ZBBX: variants seen among roughly 807,000 people sequenced by gnomAD.
ZBBX encodes the protein zinc finger B-box domain containing, also known as zinc finger B-box domain-containing protein 1.
A neutral mutation model predicts 108.5 loss-of-function variants in ZBBX; 101 were observed. That is an observed-to-expected ratio of 0.93 (90% CI 0.79 to 1.10). The LOEUF (loss-of-function observed/expected upper bound fraction) is 1.10. Ranked by LOEUF, ZBBX falls within the 50% of genes least tolerant of loss-of-function variation. ZBBX has a pLI of 0.00. For synonymous variants in ZBBX, 356 were observed against 323.4 expected (o/e 1.10, Z -1.08); for missense variants, 1,009 against 941.4 (o/e 1.07, Z -0.94).
chr3:167,301,558 C>T (rs2108203291), intron 17 of ZBBX, among the ~76,000 whole-genome samples: 1 of 152,152 alleles, frequency 6.6e-6, no homozygotes, highest in East Asian at 1.9e-4. Context: ...ATAAATTTCC[C>T]AGTAAGTAGT....
At chr3:167,252,502 T>C (rs1314545050) in intron 20 of ZBBX, among the ~76,000 whole-genome samples, 1 of 151,998 alleles carries the variant, frequency 6.6e-6, no homozygotes, top group Non-Finnish European at 1.5e-5. Context: ...ACTGTTGGGT[T>C]GATTAGCCTG....
At chr3:167,343,221 T>C (rs1740857649) in intron 9 of ZBBX, among the ~76,000 whole-genome samples, 1 of 151,886 alleles carries the variant, frequency 6.6e-6, no homozygotes, top group African/African-American at 2.4e-5. Context: ...AGCTTGCATA[T>C]ATAAATATGA....
chr3:167,387,271 G>A (rs778728320), intron 1 of ZBBX, among the ~76,000 whole-genome samples: 1 of 151,954 alleles, frequency 6.6e-6, no homozygotes, highest in East Asian at 1.9e-4. Flanking sequence ...TTTGTATTCT[G>A]TACTTGTGAA....
chr3:167,322,070 TA>T, intron 12 of ZBBX, 46 bp downstream of exon 12: 1 of 1,089,222 alleles, frequency 9.2e-7, no homozygotes, highest in Non-Finnish European at 1.2e-6. Flanking sequence ...GAAAGAAACA[TA>T]AATAACTTTC....
At position 167,350,559 on chromosome 3, in the gene ZBBX, G is replaced by A. The variant is rs561436420; in HGVS notation, c.433-44C>T. The A allele has an allele frequency of 3.1e-5, 43 of 1,366,164 alleles. No individual in the cohort carries two copies. In the South Asian group the frequency reaches 6.0e-4, roughly 19 times the overall value. 84.6% of individuals were successfully genotyped at this position (1,366,164 alleles called of 1,614,324 possible). A position where few individuals can be genotyped will look rare whatever the true frequency, so the allele number is the denominator to read the frequency against. On this transcript the variant is annotated intron_variant, in intron 8 of 21. Coordinates refer to ENST00000675490, the MANE Select transcript of ZBBX (RefSeq NM_001199201.2). ...AAAAATTATACAATCTTATAAAATAGTATGATTTTTAGAAAGTGTTTGCAT... is the reference window on the plus strand; with the variant it reads ...AAAAATTATACAATCTTATAAAATAATATGATTTTTAGAAAGTGTTTGCAT...
intron 1 of ZBBX, among the ~76,000 whole-genome samples, chr3:167,404,811 A>G (rs1748533649): frequency 6.6e-6 from 1 of 152,210 alleles, no homozygotes; most frequent in Non-Finnish European, 1.5e-5. Flanking sequence ...GGCATTGTCA[A>G]AAAGATATTG....
chr3:167,374,379 C>T (rs2108605716), intron 2 of ZBBX, among the ~76,000 whole-genome samples: 1 of 152,256 alleles, frequency 6.6e-6, no homozygotes, highest in East Asian at 1.9e-4. Flanking sequence ...CCCAATTATT[C>T]ATGGTTCTAT....
At chr3:167,349,471 C>T (rs763246709) in intron 9 of ZBBX, among the ~76,000 whole-genome samples, 21 of 152,076 alleles carry the variant, frequency 1.4e-4, no homozygotes, top group Middle Eastern at 3.4e-3. Flanking sequence ...ACTCAAAAGT[C>T]ACTGACTTTG....
At chr3:167,288,773 C>A in intron 19 of ZBBX, 94 bp downstream of exon 19, 1 of 602,376 alleles carries the variant, frequency 1.7e-6, no homozygotes, top group South Asian at 5.5e-5. Flanking sequence ...ACTTCAAAAA[C>A]TAAATTGCAG....
intron 17 of ZBBX, among the ~76,000 whole-genome samples, chr3:167,298,939 G>C (rs933443081): frequency 6.6e-6 from 1 of 152,028 alleles, no homozygotes; most frequent in Non-Finnish European, 1.5e-5. Context: ...CAAATATAAA[G>C]TAGGAAACTG....
chr3:167,368,530 T>C lies in ZBBX; in HGVS notation c.113A>G (p.Glu38Gly). The change falls in exon 5 of 22, where the codon GAG becomes GGG. Residue 38 changes from glutamate to glycine, a missense_variant. Glu to Gly is a moderately conservative substitution (Grantham distance 98, BLOSUM62 -2). Coordinates refer to ENST00000675490, the MANE Select transcript of ZBBX (RefSeq NM_001199201.2). ...LRMEKVQLEFENQEMEKKLQE... is the reference protein window; with the variant it reads ...LRMEKVQLEFGNQEMEKKLQE... ...CAGTTTCTTCTCCATCTCTTGGTTC[T>C]CAAACTCTAACTGTACTTTCTCCAT... 1.9e-6 allele frequency: 3 copies of C among 1,612,488 alleles called. No homozygotes were observed. Among genetic ancestry groups the C allele is most frequent in the Non-Finnish European group, 2.5e-6 (3 of 1,178,946 alleles).
chr3:167,330,874 A>AGG (rs1738408290), intron 10 of ZBBX, among the ~76,000 whole-genome samples: 2 of 92,404 alleles, frequency 2.2e-5, no homozygotes, highest in Non-Finnish European at 4.2e-5. Flanking sequence ...GGAGGAGGAG[A>AGG]AGAAGAAGAA....
chr3:167,263,039 T>C (rs1724844281), intron 20 of ZBBX, among the ~76,000 whole-genome samples: 1 of 144,874 alleles, frequency 6.9e-6, no homozygotes, highest in African/African-American at 2.5e-5. Flanking sequence ...CTAGTTCTTT[T>C]TTTTTTTTTT....
chr3:167,182,484 A>G, the ZBBX span, among the ~76,000 whole-genome samples: 1 of 152,206 alleles, frequency 6.6e-6, no homozygotes, highest in African/African-American at 2.4e-5. Context: ...AAGGAAGGGT[A>G]TTGCTCTCCT....
At chr3:167,405,479 G>A (rs1456526414) in intron 1 of ZBBX, among the ~76,000 whole-genome samples, 1 of 152,142 alleles carries the variant, frequency 6.6e-6, no homozygotes, top group Non-Finnish European at 1.5e-5. Flanking sequence ...CAGAAAAGGT[G>A]AAGACTTAAG....
rs1344504797 is a variant in ZBBX at position 167,322,148 on chromosome 3, T to C, written c.952A>G (p.Met318Val). The stretch of plus-strand genomic sequence containing the variant: ...TGTTTTTTAAGCCATAATTTTTCCA[T>C]ATAGGATAGAATGTCTTCTTTAAGT... ...IELKEDILSYMEKLWLKKHRR... is the reference protein window; with the variant it reads ...IELKEDILSYVEKLWLKKHRR... The change falls in exon 12 of 22, where the codon ATG (methionine) becomes GTG (valine). Residue 318 changes from methionine to valine, a missense_variant. Physicochemically the swap from Met to Val is conservative, Grantham distance 21. Coordinates refer to ENST00000675490, the MANE Select transcript of ZBBX (RefSeq NM_001199201.2). The C allele has an allele frequency of 1.4e-6, 2 of 1,387,802 alleles. No individual in the cohort carries two copies. The highest frequency in any genetic ancestry group is 1.9e-6 in the Non-Finnish European group (2 of 1,046,496). The allele number at this position is 1,387,802 out of a possible 1,614,324, so 86.0% of individuals were successfully genotyped here.
chr3:167,221,791 T>C, the ZBBX span, among the ~76,000 whole-genome samples: 69 of 151,968 alleles, frequency 4.5e-4, 1 homozygote, highest in African/African-American at 1.6e-3. Context: ...GACATACATA[T>C]GGCAAAAAGT....
intron 10 of ZBBX, among the ~76,000 whole-genome samples, chr3:167,332,356 T>A (rs1738802392): frequency 6.6e-6 from 1 of 152,082 alleles, no homozygotes; most frequent in African/African-American, 2.4e-5. Flanking sequence ...TGTATTTCTT[T>A]AATGTTTCTC....
chr3:167,358,314 A>C (rs1743928220), intron 8 of ZBBX, among the ~76,000 whole-genome samples: 1 of 151,864 alleles, frequency 6.6e-6, no homozygotes, highest in African/African-American at 2.4e-5. Context: ...TACTTATATG[A>C]GGTAGAGTAG....
Sources: gnomAD v4.1 joint callset for allele counts (sites outside exome capture counted in the v4.1 genomes callset) on GRCh38, gnomAD v4.1.1 for gene constraint, MANE v1.5 for transcripts, NCBI Gene and HGNC (gene_info 2026-07-23, HGNC 2026-07-21) for gene names.